Variants in DYNC1I1 observed in about 807,000 individuals in gnomAD.
DYNC1I1 encodes cytoplasmic dynein 1 intermediate chain 1.
A neutral mutation model predicts 86.6 loss-of-function variants in DYNC1I1; 43 were observed. That is an observed-to-expected ratio of 0.50 (90% CI 0.39 to 0.64). The LOEUF is 0.64. Among genes scored for constraint, DYNC1I1 ranks in the 30% least tolerant of loss-of-function variants. The probability of loss-of-function intolerance (pLI) is 0.00; values close to 1 mark genes in which losing one functional copy is unlikely to be tolerated. For synonymous variants in DYNC1I1, 262 were observed against 283.7 expected, an observed-to-expected ratio of 0.92 and a Z score of 0.77; for missense variants, 604 against 788.8, an observed-to-expected ratio of 0.77 and a Z score of 2.81.
intron 6 of DYNC1I1, among the ~76,000 whole-genome samples, chr7:95,971,439 A>G (rs1305918247): frequency 6.6e-6 from 1 of 152,226 alleles, no homozygotes; most frequent in Non-Finnish European, 1.5e-5. Context: ...ACATGGAATT[A>G]TATAAAAGTG....
chr7:96,035,604 AC>A lies in DYNC1I1; in HGVS notation c.1231-13del. 6.4e-7 allele frequency: 1 copy of A among 1,564,956 alleles called. No homozygotes were observed. The highest frequency in any genetic ancestry group is 1.4e-5 in the African/African-American group (1 of 72,400). ...AGTTGACAGATGGAAATGTAACCACACCGTGTTTTGGTAGGAGAGCATGGAG... is the reference window on the plus strand; with the variant it reads ...AGTTGACAGATGGAAATGTAACCACACGTGTTTTGGTAGGAGAGCATGGAG... On this transcript the variant is annotated splice_polypyrimidine_tract_variant and intron_variant, in intron 12 of 16. Transcript: ENST00000447467.
intron 5 of DYNC1I1, among the ~76,000 whole-genome samples, chr7:95,837,991 C>T (rs1789162526): frequency 6.6e-6 from 1 of 152,208 alleles, no homozygotes; most frequent in African/African-American, 2.4e-5. Flanking sequence ...CTTGGCTCCT[C>T]CTGGTCCTGG....
chr7:95,918,583 C>A (rs927603881), intron 6 of DYNC1I1, among the ~76,000 whole-genome samples: 52 of 152,086 alleles, frequency 3.4e-4, no homozygotes, highest in Non-Finnish European at 2.5e-4. Context: ...ATGTGTGTGC[C>A]ATTTAGCAGT....
chr7:96,040,233 CAAAATT>C (rs917552585), intron 14 of DYNC1I1, among the ~76,000 whole-genome samples: 5 of 151,400 alleles, frequency 3.3e-5, no homozygotes, highest in African/African-American at 1.2e-4. Flanking sequence ...GACTCCATCT[CAAAATT>C]AAAATAAAAT....
chr7:96,012,795 G>C (rs1440655416), intron 10 of DYNC1I1, among the ~76,000 whole-genome samples: 1 of 152,154 alleles, frequency 6.6e-6, no homozygotes, highest in Non-Finnish European at 1.5e-5. Flanking sequence ...GCCACCCAAA[G>C]ACATCTCTAT....
chr7:95,792,415 C>T (rs1425905969), intron 1 of DYNC1I1, among the ~76,000 whole-genome samples: 3 of 152,152 alleles, frequency 2.0e-5, no homozygotes, highest in Non-Finnish European at 4.4e-5. Context: ...TCAAAGGACC[C>T]TCATGTGAGA....
intron 6 of DYNC1I1, among the ~76,000 whole-genome samples, chr7:95,970,811 G>A (rs1371752849): frequency 6.6e-6 from 1 of 152,120 alleles, no homozygotes; most frequent in Non-Finnish European, 1.5e-5. Flanking sequence ...AATTTTACAC[G>A]GTATGAGATG....
rs1405514169 is a variant in DYNC1I1, at chr7:96,098,136, A to G, written c.*543A>G. ...TTATTTGAAAGCATTAAAATAAATGATCCTAGAGCATGTGCATAATGAGAG... is the reference window on the plus strand; with the variant it reads ...TTATTTGAAAGCATTAAAATAAATGGTCCTAGAGCATGTGCATAATGAGAG... On this transcript the variant is annotated 3_prime_UTR_variant, in exon 17 of 17. Transcript: ENST00000447467. 1.0e-6 allele frequency: 1 copy of G among 986,180 alleles called. No homozygotes were observed. Among genetic ancestry groups the G allele is most frequent in the Non-Finnish European group, 1.2e-6 (1 of 830,148 alleles). 61.1% of individuals were successfully genotyped at this position (986,180 alleles called of 1,614,324 possible). A position where few individuals can be genotyped will look rare whatever the true frequency, so the allele number is the denominator to read the frequency against.
intron 10 of DYNC1I1, among the ~76,000 whole-genome samples, chr7:96,004,313 T>C (rs1794088270): frequency 6.6e-6 from 1 of 152,212 alleles, no homozygotes; most frequent in African/African-American, 2.4e-5. Context: ...TCTAATCTCC[T>C]TGAAAATATA....
intron 13 of DYNC1I1, among the ~76,000 whole-genome samples, chr7:96,039,054 GATTTC>G (rs1293508711): frequency 6.6e-6 from 1 of 152,136 alleles, no homozygotes; most frequent in Non-Finnish European, 1.5e-5. Context: ...ATTTTAAAAA[GATTTC>G]ATTGCCCTAC....
intron 16 of DYNC1I1, among the ~76,000 whole-genome samples, chr7:96,108,860 C>CAAA (rs201915898): frequency 0.02 from 1,569 of 79,488 alleles, 30 homozygotes; most frequent in African/African-American, 0.067. Flanking sequence ...GACTCTGTCT[C>CAAA]AAAAAAAAAA....
chr7:95,994,268 G>A (rs2115745187), intron 9 of DYNC1I1, among the ~76,000 whole-genome samples: 1 of 152,216 alleles, frequency 6.6e-6, no homozygotes, highest in Non-Finnish European at 1.5e-5. Flanking sequence ...GGATTCAGAG[G>A]TCAACAAAAA....
At chr7:95,900,071 A>G (rs370663341) in intron 6 of DYNC1I1, among the ~76,000 whole-genome samples, 1 of 152,076 alleles carries the variant, frequency 6.6e-6, no homozygotes, top group Non-Finnish European at 1.5e-5. Flanking sequence ...CTGCATGTGT[A>G]TTTCTGCTGC....
downstream of DYNC1I1, among the ~76,000 whole-genome samples, chr7:96,100,341 C>CCCTTCCTTCCTTCCTTT (rs1052805522): frequency 6.6e-6 from 1 of 151,474 alleles, no homozygotes; most frequent in Non-Finnish European, 1.5e-5. Context: ...CTCCCTCTCT[C>CCCTTCCTTCCTTCCTTT]CCTTCCTTCC....
chr7:96,032,106 C>CTTACA (rs1457776911), intron 11 of DYNC1I1, among the ~76,000 whole-genome samples: 2 of 152,052 alleles, frequency 1.3e-5, no homozygotes, highest in African/African-American at 2.4e-5. Flanking sequence ...TTTATCTCAC[C>CTTACA]AGGTACATTG....
At chr7:95,804,325 T>C (rs1315702794) in intron 1 of DYNC1I1, 1 of 1,261,820 alleles carries the variant, frequency 7.9e-7, no homozygotes, top group Non-Finnish European at 1.0e-6. Flanking sequence ...CTTTTCTCAG[T>C]GTGGGGATGA....
chr7:96,037,573 A>G (rs1373257138), intron 13 of DYNC1I1, among the ~76,000 whole-genome samples: 1 of 152,194 alleles, frequency 6.6e-6, no homozygotes, highest in East Asian at 1.9e-4. Context: ...AACTTAACCC[A>G]TGGTTTTACC....
At chr7:95,957,238 C>T (rs1162612501) in intron 6 of DYNC1I1, among the ~76,000 whole-genome samples, 4 of 152,202 alleles carry the variant, frequency 2.6e-5, no homozygotes. Context: ...TGTAAGACAT[C>T]TCTCTGTCAG....
At chr7:95,816,945 G>A (rs2690293) in intron 4 of DYNC1I1, among the ~76,000 whole-genome samples, 2,817 of 152,176 alleles carry the variant, frequency 0.019, 91 homozygotes, top group African/African-American at 0.064. Context: ...AACAGCTTAC[G>A]CTTTTTATAC....
Sources: gnomAD v4.1 joint callset for allele counts (sites outside exome capture counted in the v4.1 genomes callset) on GRCh38, gnomAD v4.1.1 for gene constraint, MANE v1.5 for transcripts, NCBI Gene and HGNC (gene_info 2026-07-23, HGNC 2026-07-21) for gene names.